Variants in CACNB2 observed in about 807,000 individuals in gnomAD.
CACNB2 encodes voltage-dependent L-type calcium channel subunit beta-2.
Under a neutral mutation model 73.3 loss-of-function variants are expected in CACNB2, and 42 were observed. That is an observed-to-expected ratio of 0.57 (90% confidence interval 0.45 to 0.74). The LOEUF is 0.74. CACNB2 is among the 30% of genes least tolerant of loss of function. The pLI is 0.00. For missense variants in CACNB2, 940 were observed against 853.0 expected (o/e 1.10, Z -1.27); for synonymous variants, 348 against 310.3 (o/e 1.12, Z -1.28).
intron 3 of CACNB2, among the ~76,000 whole-genome samples, chr10:18,474,563 C>T (rs976130340): frequency 2.6e-5 from 4 of 152,130 alleles, no homozygotes; most frequent in Non-Finnish European, 5.9e-5. Flanking sequence ...CCCACACACG[C>T]ACTTTCTCCT....
At chr10:18,329,496 T>C (rs1482911600) in intron 2 of CACNB2, among the ~76,000 whole-genome samples, 1 of 45,962 alleles carries the variant, frequency 2.2e-5, no homozygotes, top group African/African-American at 9.1e-5. Flanking sequence ...CTCTTACAAG[T>C]AAAAAAAGAA....
intron 2 of CACNB2, among the ~76,000 whole-genome samples, chr10:18,242,160 A>G (rs1300828062): frequency 1.3e-5 from 2 of 151,946 alleles, no homozygotes; most frequent in African/African-American, 4.8e-5. Flanking sequence ...GACACTTAAG[A>G]AAATGAATGT....
intron 2 of CACNB2, among the ~76,000 whole-genome samples, chr10:18,383,473 G>T (rs1366955411): frequency 6.6e-6 from 1 of 152,132 alleles, no homozygotes; most frequent in Admixed American, 6.6e-5. Flanking sequence ...GAAGAGTGAG[G>T]CTTGTTATGT....
chr10:18,377,264 A>G (rs2042838514), intron 2 of CACNB2, among the ~76,000 whole-genome samples: 2 of 152,228 alleles, frequency 1.3e-5, no homozygotes, highest in Admixed American at 6.5e-5. Context: ...AAACTCCTCC[A>G]TTACGTTTAT....
chr10:18,437,482 TG>T, intron 3 of CACNB2, among the ~76,000 whole-genome samples: 1 of 152,216 alleles, frequency 6.6e-6, no homozygotes, highest in Non-Finnish European at 1.5e-5. Flanking sequence ...TGTTATATAC[TG>T]CATACCGTCT....
chr10:18,306,476 G>C (rs1422974025), intron 2 of CACNB2, among the ~76,000 whole-genome samples: 1 of 152,176 alleles, frequency 6.6e-6, no homozygotes, highest in Non-Finnish European at 1.5e-5. Flanking sequence ...GTTCCCATCA[G>C]CCTTGTTGCA....
At chr10:18,516,383 T>C (rs1176057485) in intron 7 of CACNB2, among the ~76,000 whole-genome samples, 2 of 152,190 alleles carry the variant, frequency 1.3e-5, no homozygotes, top group Non-Finnish European at 2.9e-5. Context: ...CAGCAACGGG[T>C]GACCCTTTGC....
chr10:18,150,805 G>A, intron 1 of CACNB2, 78 bp from the exon 2 acceptor site: 1 of 900,090 alleles, frequency 1.1e-6, no homozygotes, highest in Non-Finnish European at 1.7e-6. Context: ...GACATTTTCT[G>A]CAACTAGGCC....
intron 2 of CACNB2, among the ~76,000 whole-genome samples, chr10:18,356,072 C>T (rs2041898051): frequency 1.3e-5 from 2 of 152,180 alleles, no homozygotes; most frequent in South Asian, 2.1e-4. Flanking sequence ...GCTGCAGGCC[C>T]CTGGAGGTCC....
intron 2 of CACNB2, among the ~76,000 whole-genome samples, chr10:18,243,601 GA>G (rs1243547800): frequency 2.6e-5 from 4 of 152,174 alleles, no homozygotes; most frequent in African/African-American, 9.7e-5. Flanking sequence ...CTTATGAATA[GA>G]TTAATGCCCT....
intron 2 of CACNB2, among the ~76,000 whole-genome samples, chr10:18,363,728 A>G (rs1285909183): frequency 6.6e-6 from 1 of 151,848 alleles, no homozygotes; most frequent in Non-Finnish European, 1.5e-5. Flanking sequence ...TACTCATTAT[A>G]GCTGTGTGAC....
chr10:18,520,270 C>T (rs978940547), intron 9 of CACNB2, among the ~76,000 whole-genome samples: 3 of 152,216 alleles, frequency 2.0e-5, no homozygotes, highest in Admixed American at 6.5e-5. Context: ...ATAGCTTCTT[C>T]GTCTTTCAGT....
At chr10:18,455,900 A>G (rs2047255263) in intron 3 of CACNB2, among the ~76,000 whole-genome samples, 4 of 152,260 alleles carry the variant, frequency 2.6e-5, no homozygotes, top group African/African-American at 9.6e-5. Flanking sequence ...GGCATGGCCT[A>G]GCTTGATGGT....
intron 2 of CACNB2, among the ~76,000 whole-genome samples, chr10:18,302,494 C>T (rs4747339): frequency 0.12 from 18,836 of 152,108 alleles, 1,119 homozygotes; most frequent in South Asian, 0.17. Context: ...GCGATATGTA[C>T]GCAATGGAAT....
At chr10:18,509,747 G>A (rs2050669209) in intron 6 of CACNB2, among the ~76,000 whole-genome samples, 1 of 152,078 alleles carries the variant, frequency 6.6e-6, no homozygotes, top group Admixed American at 6.6e-5. Context: ...CCATGATTAT[G>A]TCACTGCACT....
chr10:18,228,544 A>C (rs1237086793), intron 2 of CACNB2, among the ~76,000 whole-genome samples: 1 of 152,120 alleles, frequency 6.6e-6, no homozygotes, highest in Non-Finnish European at 1.5e-5. Flanking sequence ...AGAATAGTGA[A>C]GGATGTATCC....
At chr10:18,357,758 AATC>A (rs1417773835) in intron 2 of CACNB2, among the ~76,000 whole-genome samples, 2 of 152,210 alleles carry the variant, frequency 1.3e-5, no homozygotes, top group African/African-American at 4.8e-5. Context: ...TCCATCTTAT[AATC>A]ACATAGGATT....
chr10:18,248,816 T>C (rs527623448), intron 2 of CACNB2, among the ~76,000 whole-genome samples: 243 of 152,312 alleles, frequency 1.6e-3, no homozygotes, highest in African/African-American at 5.5e-3. Flanking sequence ...CTTTCTCAAC[T>C]CTCTGTTCCT....
chr10:18,312,817 G>A (rs1411214860), intron 2 of CACNB2, among the ~76,000 whole-genome samples: 2 of 152,042 alleles, frequency 1.3e-5, no homozygotes, highest in Admixed American at 6.6e-5. Flanking sequence ...TTGGGGGCGG[G>A]GGCATTCAAA....
Sources: allele counts gnomAD v4.1 joint callset (sites outside exome capture counted in the v4.1 genomes callset), GRCh38; gene constraint gnomAD v4.1.1; transcripts MANE v1.5; gene names NCBI Gene and HGNC (gene_info 2026-07-23, HGNC 2026-07-21).